Variants in NCOA2 observed in about 807,000 individuals in gnomAD.
The protein encoded by NCOA2 is nuclear receptor coactivator 2.
A neutral mutation model predicts 145.1 loss-of-function variants in NCOA2; 21 were observed. The ratio of observed to expected loss-of-function variants is 0.14; its 90% confidence interval spans 0.10 to 0.21. NCOA2 has a LOEUF of 0.21. Ranked by LOEUF, NCOA2 falls within the 10% of genes least tolerant of loss-of-function variation. The pLI is 1.00. For missense variants in NCOA2, 1,472 were observed against 1,837.6 expected (o/e 0.80, Z 3.64); for synonymous variants, 619 against 637.5 (o/e 0.97, Z 0.44).
chr8:70,372,722 A>G (rs953599897), intron 1 of NCOA2, among the ~76,000 whole-genome samples: 5 of 152,208 alleles, frequency 3.3e-5, no homozygotes, highest in African/African-American at 7.2e-5. Flanking sequence ...TATTACCACA[A>G]TATGATGAAC....
chr8:70,321,734 A>G (rs540380852), intron 1 of NCOA2, among the ~76,000 whole-genome samples: 13 of 148,202 alleles, frequency 8.8e-5, no homozygotes, highest in African/African-American at 3.3e-4. Flanking sequence ...TTCATCAAGA[A>G]TATATTTTAT....
intron 14 of NCOA2, among the ~76,000 whole-genome samples, chr8:70,139,644 CTTTTT>C (rs911504754): frequency 2.2e-5 from 2 of 91,862 alleles, no homozygotes; most frequent in African/African-American, 5.1e-5. Context: ...CGCTGGCCAT[CTTTTT>C]TTTTTTTTTT....
chr8:70,209,006 A>C (rs1818749940), intron 4 of NCOA2, among the ~76,000 whole-genome samples: 1 of 152,246 alleles, frequency 6.6e-6, no homozygotes, highest in Admixed American at 6.5e-5. Context: ...ATCTGGGCAA[A>C]GTACAAAGAA....
chr8:70,424,182 C>A, the NCOA2 span: 1 of 269,824 alleles, frequency 3.7e-6, no homozygotes, highest in South Asian at 3.9e-5. Context: ...TCTTAATGTG[C>A]TGGCTTCAGA....
At chr8:70,441,594 A>AAG in the NCOA2 span, among the ~76,000 whole-genome samples, 1 of 151,248 alleles carries the variant, frequency 6.6e-6, no homozygotes, top group Non-Finnish European at 1.5e-5. Context: ...AGAAAGAAAG[A>AAG]AGAGAGAGAG....
intron 21 of NCOA2, among the ~76,000 whole-genome samples, chr8:70,122,788 G>T (rs1046378819): frequency 1.3e-5 from 2 of 152,186 alleles, no homozygotes; most frequent in African/African-American, 4.8e-5. Flanking sequence ...TCTACTAACA[G>T]AATTAAATAG....
At position 70,213,918 on chromosome 8, in the gene NCOA2, G is replaced by C. The variant is rs1223508881; in HGVS notation, c.244C>G (p.Gln82Glu). The change falls in exon 4 of 23, where the codon CAG (glutamine) becomes GAG (glutamate). Residue 82 changes from glutamine (Q) to glutamate (E), a missense_variant. By Grantham distance (29) the Gln-to-Glu change is conservative. This residue lies in a region of NCOA2 where 284 missense variants were observed against 467.8 expected (regional missense o/e 0.61). Coordinates refer to ENST00000452400, the MANE Select transcript of NCOA2 (RefSeq NM_006540.4). Reference sequence around the variant, plus strand: ...GTCCTCTTACCTTGTTCTTTGATCTGACGAATTTGCTTCACAGTTTCTTTT... The same window carrying C: ...GTCCTCTTACCTTGTTCTTTGATCTCACGAATTTGCTTCACAGTTTCTTTT... ...ILKETVKQIRQIKEQEKAAAA... is the reference protein window; with the variant it reads ...ILKETVKQIREIKEQEKAAAA... The C allele has an allele frequency of 6.3e-7, 1 of 1,597,164 alleles. No individual in the cohort carries two copies. Among genetic ancestry groups the C allele is most frequent in the Admixed American group, 1.8e-5 (1 of 56,568 alleles).
intron 4 of NCOA2, among the ~76,000 whole-genome samples, chr8:70,180,958 A>G (rs2030734341): frequency 6.6e-6 from 1 of 152,268 alleles, no homozygotes; most frequent in Admixed American, 6.5e-5. Context: ...TATTTTTAAA[A>G]AAGTACAATT....
At chr8:70,286,748 A>T (rs1225819751) in intron 2 of NCOA2, among the ~76,000 whole-genome samples, 1 of 152,172 alleles carries the variant, frequency 6.6e-6, no homozygotes, top group Non-Finnish European at 1.5e-5. Context: ...ACTCATAAGC[A>T]ACCAAAAACC....
At chr8:70,430,192 A>G in the NCOA2 span, among the ~76,000 whole-genome samples, 1 of 152,168 alleles carries the variant, frequency 6.6e-6, no homozygotes, top group Non-Finnish European at 1.5e-5. Context: ...TATGAATTGT[A>G]ATAGAAAGCA....
At chr8:70,350,240 T>G (rs1809057105) in intron 1 of NCOA2, among the ~76,000 whole-genome samples, 4 of 152,190 alleles carry the variant, frequency 2.6e-5, no homozygotes. Context: ...GCTTATAGAT[T>G]CTTTTCCTGA....
At chr8:70,439,331 G>A in the NCOA2 span, among the ~76,000 whole-genome samples, 14 of 152,280 alleles carry the variant, frequency 9.2e-5, no homozygotes, top group Non-Finnish European at 2.9e-5. Flanking sequence ...TGTAGCGGTA[G>A]CATTCAAGAA....
At chr8:70,218,593 A>T (rs1357298977) in intron 2 of NCOA2, among the ~76,000 whole-genome samples, 1 of 152,158 alleles carries the variant, frequency 6.6e-6, no homozygotes, top group Non-Finnish European at 1.5e-5. Context: ...CTGTAACAAC[A>T]ACAAAACCCT....
intron 2 of NCOA2, among the ~76,000 whole-genome samples, chr8:70,271,024 GCTAA>G (rs1434452110): frequency 6.6e-6 from 1 of 152,164 alleles, no homozygotes; most frequent in African/African-American, 2.4e-5. Flanking sequence ...ACTTTAGAAT[GCTAA>G]CTTTGTTAAT....
intron 6 of NCOA2, among the ~76,000 whole-genome samples, chr8:70,167,221 T>C (rs1358528074): frequency 6.6e-6 from 1 of 152,238 alleles, no homozygotes; most frequent in Non-Finnish European, 1.5e-5. Context: ...CCAAATGTAG[T>C]GCACGTTAAA....
chr8:70,210,285 G>C lies in NCOA2; in HGVS notation c.259+3618C>G, dbSNP rs150265781. ...CCTGACACACAGTAAGAACTATTTA[G>C]TCTTAGCTAGTATTAAAAATTCTCC... On this transcript the variant is annotated intron_variant, in intron 4 of 22. Transcript: ENST00000452400. 3.3e-5 allele frequency among the ~76,000 whole-genome samples: 5 copies of C among 152,244 alleles called. No homozygotes were observed. In the East Asian group the frequency reaches 9.6e-4, roughly 29 times the overall value.
intron 1 of NCOA2, among the ~76,000 whole-genome samples, chr8:70,311,084 C>T (rs143355552): frequency 1.9e-3 from 285 of 151,698 alleles, no homozygotes; most frequent in Middle Eastern, 3.4e-3. Flanking sequence ...AGATTCTCAG[C>T]AATTGTCTGT....
chr8:70,147,133 T>TGC (rs1811181749), intron 12 of NCOA2, among the ~76,000 whole-genome samples: 1 of 150,848 alleles, frequency 6.6e-6, no homozygotes. Context: ...CGCGCGTGTG[T>TGC]GTGTGTGTGT....
At chr8:70,316,411 C>T (rs1173707153) in intron 1 of NCOA2, among the ~76,000 whole-genome samples, 4 of 152,242 alleles carry the variant, frequency 2.6e-5, no homozygotes, top group African/African-American at 9.6e-5. Flanking sequence ...AAATGCCAAA[C>T]ACTTCATCTC....
Sources: gnomAD v4.1 joint callset for allele counts (sites outside exome capture counted in the v4.1 genomes callset) on GRCh38, gnomAD v4.1.1 for gene constraint, gnomAD v4.1.1 regional missense constraint, MANE v1.5 for transcripts, NCBI Gene and HGNC (gene_info 2026-07-23, HGNC 2026-07-21) for gene names.